The following EXOC4 variants were observed in gnomAD, a reference collection of about 807,000 sequenced individuals.
EXOC4 encodes the protein exocyst complex component 4.
EXOC4 carries 71 observed loss-of-function variants against 107.2 expected under a neutral mutation model. That is an observed-to-expected ratio of 0.66 (90% CI 0.55 to 0.81). EXOC4 has a LOEUF of 0.81. EXOC4 is among the 30% of genes least tolerant of loss of function. The pLI, the probability that EXOC4 is intolerant of heterozygous loss-of-function variation, is 0.00. For missense variants in EXOC4, 1,108 were observed against 1,189.6 expected, an observed-to-expected ratio of 0.93 and a Z score of 1.01; for synonymous variants, 456 against 441.2, an observed-to-expected ratio of 1.03 and a Z score of -0.42.
At chr7:133,933,824 G>A (rs569702566) in intron 13 of EXOC4, among the ~76,000 whole-genome samples, 8 of 152,270 alleles carry the variant, frequency 5.3e-5, no homozygotes, top group African/African-American at 1.2e-4. Context: ...GATTCCTGGC[G>A]TGCCCATTTG....
At chr7:133,606,950 A>G (rs573604353) in intron 9 of EXOC4, among the ~76,000 whole-genome samples, 1 of 151,934 alleles carries the variant, frequency 6.6e-6, no homozygotes, top group African/African-American at 2.4e-5. Flanking sequence ...ATCTGTTATT[A>G]TTTCTTGTAC....
At chr7:133,260,528 C>A (rs1404412550) in intron 1 of EXOC4, among the ~76,000 whole-genome samples, 3 of 152,180 alleles carry the variant, frequency 2.0e-5, no homozygotes, top group African/African-American at 4.8e-5. Flanking sequence ...CTTGCCTCGG[C>A]CTCCCAAAGT....
At chr7:133,290,486 C>A (rs1404917352) in intron 3 of EXOC4, among the ~76,000 whole-genome samples, 1 of 152,130 alleles carries the variant, frequency 6.6e-6, no homozygotes, top group Admixed American at 6.5e-5. Context: ...GTCCTATATT[C>A]TCAAGATTCA....
chr7:133,968,401 T>A (rs920313946), intron 14 of EXOC4, among the ~76,000 whole-genome samples: 1 of 152,216 alleles, frequency 6.6e-6, no homozygotes, highest in Admixed American at 6.5e-5. Flanking sequence ...GCTGGTTATT[T>A]TGCCCATTAG....
At chr7:133,723,135 A>G (rs1023372986) in intron 10 of EXOC4, among the ~76,000 whole-genome samples, 1 of 152,240 alleles carries the variant, frequency 6.6e-6, no homozygotes, top group African/African-American at 2.4e-5. Context: ...TATTTGTGCT[A>G]CATGTCTGTT....
chr7:133,685,862 T>A (rs1002953771), intron 10 of EXOC4, among the ~76,000 whole-genome samples: 6 of 152,156 alleles, frequency 3.9e-5, no homozygotes, highest in African/African-American at 1.4e-4. Flanking sequence ...TATTAATTTC[T>A]CATCCCTCAC....
At chr7:133,395,291 A>C (rs1796946332) in intron 7 of EXOC4, among the ~76,000 whole-genome samples, 1 of 152,096 alleles carries the variant, frequency 6.6e-6, no homozygotes, top group Non-Finnish European at 1.5e-5. Context: ...TATAAACACC[A>C]TTCCAATATG....
At chr7:134,048,863 G>A (rs1044782378) in intron 17 of EXOC4, among the ~76,000 whole-genome samples, 1 of 151,920 alleles carries the variant, frequency 6.6e-6, no homozygotes, top group African/African-American at 2.4e-5. Context: ...GGCGTGGTCT[G>A]GTACTAGAAA....
chr7:133,932,670 A>G (rs1170270913), intron 13 of EXOC4, among the ~76,000 whole-genome samples: 2 of 152,208 alleles, frequency 1.3e-5, no homozygotes, highest in East Asian at 3.8e-4. Flanking sequence ...GAAGAAAGAC[A>G]TTCTCTTATG....
chr7:133,291,334 A>G (rs1794399714), intron 3 of EXOC4, among the ~76,000 whole-genome samples: 1 of 150,396 alleles, frequency 6.6e-6, no homozygotes, highest in Non-Finnish European at 1.5e-5. Context: ...GAAATTAAAA[A>G]TCGTAATGCA....
In EXOC4 at chr7:133,746,735, A is replaced by T. The variant is rs1795685196; in HGVS notation, c.1515-70590A>T. Among the ~76,000 whole-genome samples, 3 of 152,198 alleles carry T rather than the reference A, an allele frequency of 2.0e-5. No homozygotes were observed. The East Asian group carries it at 5.8e-4, about 29-fold the overall frequency. ...ATACACACAGGTTCATACAGAGAAA[A>T]TTCAAACAGAATGCAGAAACCTTCT... is the stretch of plus-strand genomic sequence containing the variant. On this transcript the variant is annotated intron_variant, in intron 10 of 17. Transcript: ENST00000253861.
intron 9 of EXOC4, among the ~76,000 whole-genome samples, chr7:133,547,542 G>A (rs932780228): frequency 1.1e-4 from 16 of 152,020 alleles, no homozygotes; most frequent in South Asian, 2.1e-4. Flanking sequence ...TTTTACTCCC[G>A]GTAGAACGTC....
chr7:133,848,916 A>G (rs1798188152), intron 11 of EXOC4, among the ~76,000 whole-genome samples: 1 of 152,206 alleles, frequency 6.6e-6, no homozygotes, highest in Non-Finnish European at 1.5e-5. Flanking sequence ...TTTATTGAGT[A>G]AAAATATGTT....
Position 134,030,673 on chromosome 7 carries a change from C to G in EXOC4, c.2687+22838C>G, listed in dbSNP as rs549301594. Among the ~76,000 whole-genome samples the G allele has an allele frequency of 2.7e-3, 399 of 148,778 alleles. 1 individual carries two copies. Among genetic ancestry groups the G allele is most frequent in the African/African-American group, 9.0e-3 (364 of 40,232 alleles). On this transcript the variant is annotated intron_variant, in intron 17 of 17. Transcript: ENST00000253861. ...ATAAACCTTGTTGACCCGCACCCCC[C>G]CTCTGCCCCCCCAGCTCACCCCCCC... is the stretch of plus-strand genomic sequence containing the variant.
chr7:133,481,538 A>G (rs890763628), intron 9 of EXOC4, among the ~76,000 whole-genome samples: 9 of 152,332 alleles, frequency 5.9e-5, no homozygotes, highest in African/African-American at 1.7e-4. Flanking sequence ...TTGCCTTGTC[A>G]TTCCTAACTT....
At chr7:133,978,298 C>T (rs868423562) in intron 14 of EXOC4, among the ~76,000 whole-genome samples, 6 of 152,284 alleles carry the variant, frequency 3.9e-5, no homozygotes, top group South Asian at 2.1e-4. Flanking sequence ...TTGAGATCTA[C>T]GTTTGTTGTA....
chr7:133,356,700 GC>G, intron 6 of EXOC4, 127 bp downstream of exon 6: 2 of 1,117,120 alleles, frequency 1.8e-6, no homozygotes, highest in Non-Finnish European at 2.5e-6. Context: ...GCCCATACAG[GC>G]CAGGCGCAGT....
chr7:133,555,941 T>C (rs868555572), intron 9 of EXOC4, among the ~76,000 whole-genome samples: 1 of 152,216 alleles, frequency 6.6e-6, no homozygotes. Context: ...CTGTTAGTTG[T>C]TGCCTTTAGT....
At chr7:133,937,864 G>C in intron 13 of EXOC4, 27 bp from the exon 14 acceptor site, 1 of 1,613,228 alleles carries the variant, frequency 6.2e-7, no homozygotes, top group Non-Finnish European at 8.5e-7. Context: ...CTGTATATAT[G>C]AAGTGTGTTT....
Sources: gnomAD v4.1 joint callset for allele counts (sites outside exome capture counted in the v4.1 genomes callset) on GRCh38, gnomAD v4.1.1 for gene constraint, MANE v1.5 for transcripts, NCBI Gene and HGNC (gene_info 2026-07-23, HGNC 2026-07-21) for gene names.